ABCG2: variants seen among roughly 807,000 people sequenced by gnomAD.
The protein encoded by ABCG2 is ATP binding cassette subfamily G member 2 (JR blood group).
Under a neutral mutation model 73.5 loss-of-function variants are expected in ABCG2, and 80 were observed. The observed-to-expected ratio is 1.09, with a 90% CI of 0.91 to 1.31. ABCG2 has a LOEUF of 1.31. Ranked by LOEUF, ABCG2 falls within the 50% of genes most tolerant of loss-of-function variation. ABCG2 has a pLI of 0.00. For synonymous variants in ABCG2, 269 were observed against 282.4 expected, an observed-to-expected ratio of 0.95 and a Z score of 0.48; for missense variants, 796 against 786.2, an observed-to-expected ratio of 1.01 and a Z score of -0.15.
chr4:88,204,537 C>T (rs982785545), intron 1 of ABCG2, among the ~76,000 whole-genome samples: 7 of 152,180 alleles, frequency 4.6e-5, no homozygotes, highest in African/African-American at 1.7e-4. Flanking sequence ...AATAACTTTG[C>T]TATAGATATT....
At chr4:88,200,301 C>T (rs1007750977) in intron 1 of ABCG2, among the ~76,000 whole-genome samples, 3 of 152,186 alleles carry the variant, frequency 2.0e-5, no homozygotes, top group Admixed American at 2.0e-4. Context: ...GCACTCCAAC[C>T]TGGGCAACAG....
At chr4:88,164,755 G>A (rs1446857891) in intron 1 of ABCG2, among the ~76,000 whole-genome samples, 1 of 152,122 alleles carries the variant, frequency 6.6e-6, no homozygotes, top group Non-Finnish European at 1.5e-5. Flanking sequence ...GTATCCTCAT[G>A]GAGGTAAATG....
chr4:88,181,507 G>A (rs1167795126), intron 1 of ABCG2, among the ~76,000 whole-genome samples: 1 of 151,990 alleles, frequency 6.6e-6, no homozygotes, highest in Non-Finnish European at 1.5e-5. Context: ...GAGGCAGAAG[G>A]ATTGCTTGAG....
chr4:88,125,604 T>A (rs1303639678), intron 5 of ABCG2, among the ~76,000 whole-genome samples: 1 of 49,326 alleles, frequency 2.0e-5, no homozygotes, highest in Non-Finnish European at 3.5e-5. Flanking sequence ...CAAGACTCTG[T>A]CTCAAAAAAA....
At chr4:88,178,284 G>A (rs760022409) in intron 1 of ABCG2, among the ~76,000 whole-genome samples, 6 of 152,096 alleles carry the variant, frequency 3.9e-5, no homozygotes, top group Non-Finnish European at 7.4e-5. Context: ...CCTAGCTCTT[G>A]GATAGCATTT....
chr4:88,210,343 G>A (rs1214414770), intron 1 of ABCG2, among the ~76,000 whole-genome samples: 6 of 151,976 alleles, frequency 3.9e-5, no homozygotes, highest in African/African-American at 9.7e-5. Context: ...AGGCACCATT[G>A]TGCCTGGCTA....
At chr4:88,159,426 T>C, upstream of ABCG2, 1 of 346,538 alleles carries the variant, frequency 2.9e-6, no homozygotes, top group South Asian at 2.1e-5. Context: ...GGGGAGAAAC[T>C]TACTGAATGA....
chr4:88,116,388 T>C (rs1376658741), intron 7 of ABCG2, among the ~76,000 whole-genome samples: 1 of 152,034 alleles, frequency 6.6e-6, no homozygotes, highest in East Asian at 1.9e-4. Context: ...TCTTAGTTCA[T>C]CCCCTTTATT....
intron 1 of ABCG2, among the ~76,000 whole-genome samples, chr4:88,207,445 A>G (rs1729421819): frequency 6.6e-6 from 1 of 152,194 alleles, no homozygotes; most frequent in African/African-American, 2.4e-5. Context: ...GAAACTGTGG[A>G]CAACTGGAAA....
intron 9 of ABCG2, among the ~76,000 whole-genome samples, chr4:88,109,001 A>AG (rs1722943330): frequency 7.1e-6 from 1 of 140,906 alleles, no homozygotes; most frequent in Non-Finnish European, 1.5e-5. Flanking sequence ...TCAATTCAGG[A>AG]TTTTTTTTTT....
chr4:88,093,877 T>C (rs1306414287), intron 15 of ABCG2, among the ~76,000 whole-genome samples: 1 of 152,192 alleles, frequency 6.6e-6, no homozygotes, highest in Non-Finnish European at 1.5e-5. Context: ...CTTAAAACAA[T>C]ATTATCCAGT....
At chr4:88,098,667 G>GATAGATAGATAC (rs1722169703) in intron 12 of ABCG2, among the ~76,000 whole-genome samples, 1 of 151,286 alleles carries the variant, frequency 6.6e-6, no homozygotes, top group South Asian at 2.1e-4. Flanking sequence ...TAGATAGATA[G>GATAGATAGATAC]ATAGATAGAT....
chr4:88,131,172 T>A lies in ABCG2; in HGVS notation c.420A>T (p.Leu140Phe), dbSNP rs1724843141. The A allele has an allele frequency of 6.2e-7, 1 of 1,614,076 alleles. No individual in the cohort carries two copies. ...VMGTLTVREN[L>F]QFSAALRLAT... ...CAAGCCGAAGAGCTGCTGAGAACTG[T>A]AAGTTTTCTCTCACCGTCAGAGTGC... The change falls in exon 5 of 16, where the codon TTA (leucine) becomes TTT (phenylalanine). Residue 140 changes from leucine (L) to phenylalanine (F), a missense_variant. Physicochemically the swap from Leu to Phe is conservative, Grantham distance 22 (BLOSUM62 0). Transcript: ENST00000237612.
intron 1 of ABCG2, among the ~76,000 whole-genome samples, chr4:88,191,363 T>A (rs1728687080): frequency 6.6e-6 from 1 of 151,538 alleles, no homozygotes; most frequent in Admixed American, 6.6e-5. Flanking sequence ...ATGCTTGGCA[T>A]CATTAGCCAT....
At chr4:88,199,866 T>G (rs1302883643) in intron 1 of ABCG2, among the ~76,000 whole-genome samples, 1 of 151,686 alleles carries the variant, frequency 6.6e-6, no homozygotes, top group African/African-American at 2.4e-5. Flanking sequence ...CCGGGCGTGG[T>G]CGTGGGTGCC....
At chr4:88,114,839 G>C (rs999485256) in intron 8 of ABCG2, 118 bp downstream of exon 8, 1 of 613,908 alleles carries the variant, frequency 1.6e-6, no homozygotes, top group Non-Finnish European at 2.9e-6. Context: ...GTGTTGACTG[G>C]TATCAGAAGA....
chr4:88,098,328 T>G (rs979883919), intron 12 of ABCG2, among the ~76,000 whole-genome samples: 5 of 151,812 alleles, frequency 3.3e-5, no homozygotes, highest in Non-Finnish European at 5.9e-5. Context: ...TTTCCGGGGG[T>G]TTTGTGTGTG....
chr4:88,138,227 T>C (rs1171224320), intron 2 of ABCG2, among the ~76,000 whole-genome samples: 1 of 152,236 alleles, frequency 6.6e-6, no homozygotes. Context: ...TGAATTTCTC[T>C]TAAAATAACA....
chr4:88,206,360 C>A (rs891785599), intron 1 of ABCG2: 2 of 152,124 alleles, frequency 1.3e-5, no homozygotes, highest in Admixed American at 6.5e-5. Flanking sequence ...ACTACACAGC[C>A]TTTTTCCACT....
Sources: allele counts gnomAD v4.1 joint callset (sites outside exome capture counted in the v4.1 genomes callset), GRCh38; gene constraint gnomAD v4.1.1; transcripts MANE v1.5; gene names NCBI Gene and HGNC (gene_info 2026-07-23, HGNC 2026-07-21).